The following ODAD2 variants were observed in gnomAD, a reference collection of about 807,000 sequenced individuals.
ODAD2 encodes outer dynein arm docking complex subunit 2, also known as outer dynein arm-docking complex subunit 2.
Under a neutral mutation model 106.8 loss-of-function variants are expected in ODAD2, and 89 were observed. The ratio of observed to expected loss-of-function variants is 0.83; its 90% CI spans 0.70 to 0.99. The LOEUF (loss-of-function observed/expected upper bound fraction) is 0.99, where lower values mean the gene tolerates loss of function less well. Among genes scored for constraint, ODAD2 ranks in the 50% least tolerant of loss-of-function variants. ODAD2 has a pLI of 0.00. For missense variants in ODAD2, 1,168 were observed against 1,238.5 expected (o/e 0.94, Z 0.85); for synonymous variants, 404 against 436.2 (o/e 0.93, Z 0.92).
intron 2 of ODAD2, among the ~76,000 whole-genome samples, chr10:27,992,222 T>C (rs1850277200): frequency 6.6e-6 from 1 of 152,096 alleles, no homozygotes; most frequent in Non-Finnish European, 1.5e-5. Flanking sequence ...GCAATACCTC[T>C]CTCTACCCTT....
chr10:27,916,080 G>A (rs968230953), intron 16 of ODAD2, among the ~76,000 whole-genome samples: 7 of 152,096 alleles, frequency 4.6e-5, no homozygotes, highest in African/African-American at 1.7e-4. Flanking sequence ...AACCCAACGC[G>A]GGAAGTCAGA....
At chr10:27,881,659 G>C (rs1841717615) in intron 17 of ODAD2, among the ~76,000 whole-genome samples, 3 of 151,596 alleles carry the variant, frequency 2.0e-5, no homozygotes, top group Admixed American at 1.3e-4. Context: ...AAAAGAATGA[G>C]CCGGCAAAAA....
intron 19 of ODAD2, among the ~76,000 whole-genome samples, chr10:27,836,730 T>C (rs1837919236): frequency 6.6e-6 from 1 of 152,154 alleles, no homozygotes; most frequent in Non-Finnish European, 1.5e-5. Flanking sequence ...ATACGAAAAA[T>C]ACACTTAAGC....
rs533324602 is a variant in ODAD2, at chr10:27,823,900, G to A, written c.3022-11275C>T. ...TCACGCCTGTAATCCCAGCACTTTG[G>A]GAGGCCGAGGCGGGCGGATCACGAG... On this transcript the variant is annotated intron_variant, in intron 19 of 19. Coordinates refer to ENST00000305242, the MANE Select transcript of ODAD2 (RefSeq NM_018076.5). 6.9e-5 allele frequency among the ~76,000 whole-genome samples: 8 copies of A among 116,440 alleles called. 3 individuals are homozygous for A. Among genetic ancestry groups the A allele is most frequent in the African/African-American group, 3.9e-4 (8 of 20,656 alleles). 76.4% of individuals were successfully genotyped at this position (116,440 alleles called of 152,430 possible).
At chr10:27,900,031 C>T (rs187303408) in intron 17 of ODAD2, among the ~76,000 whole-genome samples, 7 of 152,272 alleles carry the variant, frequency 4.6e-5, no homozygotes, top group South Asian at 2.1e-4. Flanking sequence ...AGACACCTCC[C>T]AGCAGGGGTG....
chr10:27,984,947 T>C (rs1849780961), intron 4 of ODAD2, 72 bp downstream of exon 4: 2 of 917,228 alleles, frequency 2.2e-6, no homozygotes, highest in Non-Finnish European at 3.2e-6. Flanking sequence ...TCTTGCTCTG[T>C]CACCCAGGCT....
At position 27,889,702 on chromosome 10, in the gene ODAD2, C is replaced by A. The variant is rs890457294; in HGVS notation, c.2610+17961G>T. 8.5e-5 allele frequency among the ~76,000 whole-genome samples: 13 copies of A among 152,316 alleles called. No individual in the cohort carries two copies. The East Asian group carries it at 2.3e-3, about 27-fold the overall frequency. ...CCCATGGACTTCAAGTCTCCCAGCC[C>A]TGTGTACTCAATGATGTTGCAGCTC... On this transcript the variant is annotated intron_variant, in intron 17 of 19. Transcript: ENST00000305242.
chr10:27,813,570 T>C (rs1178083009), intron 19 of ODAD2: 1 of 152,228 alleles, frequency 6.6e-6, no homozygotes, highest in Admixed American at 6.5e-5. Flanking sequence ...TTGAATCACA[T>C]ATTTTTTTAC....
chr10:27,878,571 T>G (rs1841500803), intron 17 of ODAD2, among the ~76,000 whole-genome samples: 1 of 152,132 alleles, frequency 6.6e-6, no homozygotes, highest in Non-Finnish European at 1.5e-5. Context: ...AACACCACTC[T>G]GGGCCATATA....
rs757741852 is a variant in ODAD2, at chr10:27,936,770, T to A, written c.2208A>T (p.Thr736=). 1 of 1,614,082 alleles carries A rather than the reference T, an allele frequency of 6.2e-7. No individual in the cohort carries two copies. Among genetic ancestry groups the A allele is most frequent in the South Asian group, 1.1e-5 (1 of 91,076 alleles). ...TGATGGAACATTTCCATATAGCCCC[T>A]GTGACAGCAGCTAACCGCTCTTTAT... is the stretch of plus-strand genomic sequence containing the variant. ...TDNKERLAAV[T]GAIWKCSISK... The change falls in exon 15 of 20, where the codon ACA becomes ACT. Residue 736 remains threonine, a synonymous_variant. Coordinates refer to ENST00000305242, the MANE Select transcript of ODAD2 (RefSeq NM_018076.5).
At chr10:27,843,624 TG>T (rs750067564) in intron 19 of ODAD2, among the ~76,000 whole-genome samples, 3 of 151,880 alleles carry the variant, frequency 2.0e-5, no homozygotes, top group Non-Finnish European at 4.4e-5. Flanking sequence ...AAAAATTAGC[TG>T]GGTGTGGTGG....
chr10:27,821,463 T>C (rs1836602223), intron 19 of ODAD2, among the ~76,000 whole-genome samples: 1 of 152,230 alleles, frequency 6.6e-6, no homozygotes, highest in Non-Finnish European at 1.5e-5. Flanking sequence ...AGGAATATGT[T>C]TTCATTTTCC....
chr10:27,900,045 A>C (rs1843094213), intron 17 of ODAD2, among the ~76,000 whole-genome samples: 1 of 152,178 alleles, frequency 6.6e-6, no homozygotes, highest in Non-Finnish European at 1.5e-5. Flanking sequence ...AGGGGTGGAC[A>C]GACACCTTAT....
intron 19 of ODAD2, among the ~76,000 whole-genome samples, chr10:27,826,531 T>C (rs928454738): frequency 5.7e-4 from 87 of 151,972 alleles, no homozygotes; most frequent in Non-Finnish European, 2.1e-4. Flanking sequence ...GTGGGGAAAA[T>C]AGAAATCACG....
intron 16 of ODAD2, among the ~76,000 whole-genome samples, chr10:27,909,842 A>AG (rs1843875144): frequency 6.7e-6 from 1 of 149,704 alleles, no homozygotes; most frequent in Non-Finnish European, 1.5e-5. Flanking sequence ...AAAAAAAAAA[A>AG]GACTCAGAAC....
Position 27,940,704 on chromosome 10 carries a change from C to G in ODAD2, c.1845G>C (p.Leu615=). 6.2e-7 allele frequency: 1 copy of G among 1,614,130 alleles called. No homozygotes were observed. The highest frequency in any genetic ancestry group is 1.3e-5 in the African/African-American group (1 of 75,046). ...TCGTATGACTCTTACTGCAGCTCCA[C>G]AGGGCCAGTGCCCCACAGCGAGCCA... is the stretch of plus-strand genomic sequence containing the variant. ...VEVARCGALA[L]WSCSKSHTNK... is the part of the protein sequence containing the mutation. The change falls in exon 13 of 20, where the codon CTG becomes CTC. Residue 615 remains leucine (L), a synonymous_variant. Transcript: ENST00000305242.
intron 17 of ODAD2, among the ~76,000 whole-genome samples, chr10:27,870,626 T>C (rs1432739763): frequency 6.6e-6 from 1 of 152,136 alleles, no homozygotes; most frequent in African/African-American, 2.4e-5. Flanking sequence ...GTCCTTGCGA[T>C]AGTTTGCTGA....
chr10:27,860,891 C>T lies in ODAD2; in HGVS notation c.2800-45G>A, dbSNP rs758871961. The T allele has an allele frequency of 4.6e-5, 70 of 1,529,056 alleles. No individual in the cohort carries two copies. The Admixed American group carries it at 1.1e-3, about 24-fold the overall frequency. The allele number at this position is 1,529,056 out of a possible 1,614,324, so 94.7% of individuals were successfully genotyped here. On this transcript the variant is annotated intron_variant, in intron 18 of 19. Coordinates refer to ENST00000305242, the MANE Select transcript of ODAD2 (RefSeq NM_018076.5). ...ATGGGATCTGTGCATTGTAATGACC[C>T]TGCAAGATCATGTCTATAAGCACTT...
intron 2 of ODAD2, among the ~76,000 whole-genome samples, chr10:27,987,840 G>A (rs182831698): frequency 1.4e-4 from 21 of 145,796 alleles, no homozygotes; most frequent in Non-Finnish European, 2.7e-4. Flanking sequence ...TTTTGTTTTT[G>A]TTTTCTAAAA....
Sources: gnomAD v4.1 joint callset for allele counts (sites outside exome capture counted in the v4.1 genomes callset) on GRCh38, gnomAD v4.1.1 for gene constraint, MANE v1.5 for transcripts, NCBI Gene and HGNC (gene_info 2026-07-23, HGNC 2026-07-21) for gene names.